The following OPCML variants were observed in gnomAD, a reference collection of about 807,000 sequenced individuals.
The protein encoded by OPCML is opioid-binding protein/cell adhesion molecule.
Under a neutral mutation model 37.8 loss-of-function variants are expected in OPCML, and 13 were observed. That is an observed-to-expected ratio of 0.34 (90% CI 0.22 to 0.55). The LOEUF is 0.55. Ranked by LOEUF, OPCML falls within the 20% of genes least tolerant of loss-of-function variation. The pLI is 0.91. For missense variants in OPCML, 341 were observed against 435.6 expected, an observed-to-expected ratio of 0.78 and a Z score of 1.93; for synonymous variants, 176 against 168.8, an observed-to-expected ratio of 1.04 and a Z score of -0.33.
At chr11:133,027,703 CAT>C (rs749102671) in intron 1 of OPCML, among the ~76,000 whole-genome samples, 21 of 11,428 alleles carry the variant, frequency 1.8e-3, no homozygotes, top group Admixed American at 1.7e-3. Flanking sequence ...TGGTATGTGT[CAT>C]GTGTATGGTG....
intron 1 of OPCML, among the ~76,000 whole-genome samples, chr11:133,414,019 T>A (rs74810336): frequency 6.6e-6 from 1 of 152,130 alleles, no homozygotes; most frequent in Non-Finnish European, 1.5e-5. Flanking sequence ...TCCATATGTG[T>A]GTGTGCTTAG....
chr11:133,290,010 C>T (rs1319764354), intron 1 of OPCML, among the ~76,000 whole-genome samples: 1 of 152,192 alleles, frequency 6.6e-6, no homozygotes, highest in East Asian at 1.9e-4. Context: ...ACAGAGAACC[C>T]TTTTCCCAGT....
At chr11:133,048,935 A>C (rs1322573414) in intron 1 of OPCML, among the ~76,000 whole-genome samples, 1 of 152,228 alleles carries the variant, frequency 6.6e-6, no homozygotes, top group African/African-American at 2.4e-5. Flanking sequence ...AGTCAATATT[A>C]CTTTACAAAA....
At chr11:132,534,246 C>T (rs1024700713) in intron 3 of OPCML, among the ~76,000 whole-genome samples, 15 of 152,082 alleles carry the variant, frequency 9.9e-5, no homozygotes, top group African/African-American at 3.6e-4. Context: ...TTGTTACAAT[C>T]TCTCCTCAAC....
intron 5 of OPCML, 104 bp downstream of exon 5, chr11:132,437,118 C>T: frequency 6.6e-7 from 1 of 1,506,652 alleles, no homozygotes; most frequent in Non-Finnish European, 8.9e-7. Context: ...TTCCTGTTGG[C>T]AGGAACCTGG....
At position 132,790,434 on chromosome 11, in the gene OPCML, G is replaced by A. The variant is rs903310916; in HGVS notation, c.147-133115C>T. On this transcript the variant is annotated intron_variant, in intron 2 of 7. Transcript: ENST00000524381. ...TTTAAATACTCTCATTTGGTCATCA[G>A]GTATTATATGCATGTATCAAAATAT... Among the ~76,000 whole-genome samples the A allele has an allele frequency of 4.6e-5, 7 of 152,176 alleles. No individual in the cohort carries two copies. The East Asian group carries it at 9.6e-4, about 21-fold the overall frequency.
intron 1 of OPCML, among the ~76,000 whole-genome samples, chr11:133,395,584 T>C (rs189907084): frequency 2.6e-4 from 40 of 152,234 alleles, no homozygotes; most frequent in Middle Eastern, 3.4e-3. Context: ...CAAGAGATAG[T>C]TTCACTCTTC....
chr11:133,439,658 G>T (rs764728783), intron 1 of OPCML, among the ~76,000 whole-genome samples: 3 of 151,428 alleles, frequency 2.0e-5, no homozygotes, highest in South Asian at 2.1e-4. Flanking sequence ...TAGTAGAGAC[G>T]GGGTTTCACC....
intron 1 of OPCML, among the ~76,000 whole-genome samples, chr11:133,417,589 T>G (rs1297766690): frequency 6.6e-6 from 1 of 152,054 alleles, no homozygotes; most frequent in African/African-American, 2.4e-5. Flanking sequence ...ACCCATTAAC[T>G]GGTCATTTAG....
At chr11:133,004,741 G>C (rs2135631) in intron 1 of OPCML, 2 of 985,182 alleles carry the variant, frequency 2.0e-6, no homozygotes, top group Non-Finnish European at 2.4e-6. Flanking sequence ...GGTTCACACC[G>C]GACGCGTGGA....
intron 1 of OPCML, among the ~76,000 whole-genome samples, chr11:133,179,651 C>A (rs1350591827): frequency 6.6e-6 from 1 of 152,148 alleles, no homozygotes; most frequent in Non-Finnish European, 1.5e-5. Flanking sequence ...GAGATGTAGA[C>A]CCACAAAGAG....
intron 3 of OPCML, among the ~76,000 whole-genome samples, chr11:132,591,966 C>G (rs115584855): frequency 1.6e-3 from 244 of 152,246 alleles, no homozygotes; most frequent in African/African-American, 5.5e-3. Flanking sequence ...AGGTGAAGAA[C>G]AGGCAGTGAG....
chr11:132,814,054 G>A (rs538039089), intron 2 of OPCML, among the ~76,000 whole-genome samples: 12 of 152,318 alleles, frequency 7.9e-5, no homozygotes, highest in East Asian at 7.7e-4. Context: ...TGATCACAAA[G>A]TATGTGTTTA....
chr11:132,722,874 G>A (rs1450431712), intron 2 of OPCML, among the ~76,000 whole-genome samples: 2 of 152,122 alleles, frequency 1.3e-5, no homozygotes, highest in Non-Finnish European at 2.9e-5. Flanking sequence ...CACTTTATAT[G>A]CTTTATCTTT....
chr11:133,087,929 T>C (rs1948840984), intron 1 of OPCML, among the ~76,000 whole-genome samples: 2 of 152,228 alleles, frequency 1.3e-5, no homozygotes, highest in African/African-American at 4.8e-5. Flanking sequence ...GAGTAAAATG[T>C]GTGAACTGTA....
At chr11:132,727,334 A>G (rs1257310621) in intron 2 of OPCML, among the ~76,000 whole-genome samples, 1 of 152,156 alleles carries the variant, frequency 6.6e-6, no homozygotes. Context: ...GATTTAGGTG[A>G]ACCGAGGTTC....
At chr11:132,620,299 G>C (rs1793255) in intron 3 of OPCML, among the ~76,000 whole-genome samples, 2 of 151,980 alleles carry the variant, frequency 1.3e-5, no homozygotes, top group African/African-American at 4.8e-5. Context: ...CAGATAAGTT[G>C]TTTCTTTCTC....
intron 3 of OPCML, among the ~76,000 whole-genome samples, chr11:132,646,826 C>G (rs1215194874): frequency 6.6e-6 from 1 of 151,784 alleles, no homozygotes; most frequent in Non-Finnish European, 1.5e-5. Flanking sequence ...AGTTGAGGAG[C>G]TAAGAAAATA....
chr11:132,719,529 G>T (rs1944607921), intron 2 of OPCML, among the ~76,000 whole-genome samples: 1 of 152,162 alleles, frequency 6.6e-6, no homozygotes, highest in South Asian at 2.1e-4. Flanking sequence ...GCAACCACGA[G>T]CAGACCAGGA....
Sources: gnomAD v4.1 joint callset for allele counts (sites outside exome capture counted in the v4.1 genomes callset) on GRCh38, gnomAD v4.1.1 for gene constraint, MANE v1.5 for transcripts, NCBI Gene and HGNC (gene_info 2026-07-23, HGNC 2026-07-21) for gene names.